The following ST3GAL6 variants were observed in gnomAD, a reference collection of about 807,000 sequenced individuals.
ST3GAL6 encodes ST3 beta-galactoside alpha-2,3-sialyltransferase 6.
Under a neutral mutation model 40.5 loss-of-function variants are expected in ST3GAL6, and 31 were observed. That is an observed-to-expected ratio of 0.77 (90% confidence interval 0.58 to 1.03). ST3GAL6 has a LOEUF of 1.03. Among genes scored for constraint, ST3GAL6 ranks in the 50% least tolerant of loss-of-function variants. ST3GAL6 has a pLI of 0.00. For missense variants in ST3GAL6, 357 were observed against 393.2 expected, an observed-to-expected ratio of 0.91 and a Z score of 0.78; for synonymous variants, 129 against 136.9, an observed-to-expected ratio of 0.94 and a Z score of 0.40.
chr3:98,748,784 A>T (rs999293628), intron 1 of ST3GAL6, among the ~76,000 whole-genome samples: 1 of 152,094 alleles, frequency 6.6e-6, no homozygotes, highest in African/African-American at 2.4e-5. Context: ...TATTATTTTC[A>T]TCACTGCCCC....
At chr3:98,734,524 A>G (rs1009673976) in intron 1 of ST3GAL6, among the ~76,000 whole-genome samples, 1 of 152,108 alleles carries the variant, frequency 6.6e-6, no homozygotes, top group Admixed American at 6.5e-5. Flanking sequence ...ATTCCTTGTG[A>G]TGTCGCTTTC....
chr3:98,736,858 A>G (rs976250757), intron 1 of ST3GAL6, among the ~76,000 whole-genome samples: 2 of 152,216 alleles, frequency 1.3e-5, no homozygotes, highest in Non-Finnish European at 2.9e-5. Context: ...CAGTGTGAGA[A>G]GAGAGTGGTT....
At chr3:98,779,521 A>G (rs1939874069) in intron 5 of ST3GAL6, among the ~76,000 whole-genome samples, 1 of 152,256 alleles carries the variant, frequency 6.6e-6, no homozygotes, top group Non-Finnish European at 1.5e-5. Flanking sequence ...AAGCATTTGT[A>G]AAATAAAACA....
At chr3:98,761,656 A>G (rs189311472), upstream of ST3GAL6, among the ~76,000 whole-genome samples, 1 of 152,256 alleles carries the variant, frequency 6.6e-6, no homozygotes, top group Non-Finnish European at 1.5e-5. Flanking sequence ...TGTTAACAAC[A>G]TCTAATGCTT....
At chr3:98,754,277 T>A (rs1202499878) in intron 1 of ST3GAL6, among the ~76,000 whole-genome samples, 1 of 152,204 alleles carries the variant, frequency 6.6e-6, no homozygotes, top group Non-Finnish European at 1.5e-5. Flanking sequence ...TGATTACAAC[T>A]CTCAGGGATG....
intron 9 of ST3GAL6, among the ~76,000 whole-genome samples, chr3:98,792,810 T>G (rs1419686870): frequency 6.6e-6 from 1 of 152,084 alleles, no homozygotes; most frequent in Non-Finnish European, 1.5e-5. Context: ...TGGGCCACTG[T>G]GCCTGGCTAA....
chr3:98,767,707 T>A (rs2028392), intron 1 of ST3GAL6, among the ~76,000 whole-genome samples: 63,626 of 152,056 alleles, frequency 0.42, 13,606 homozygotes, highest in South Asian at 0.58. Flanking sequence ...TATAGGTTTT[T>A]AAAATATATT....
chr3:98,738,202 T>G (rs1468555206), intron 1 of ST3GAL6, among the ~76,000 whole-genome samples: 1 of 151,652 alleles, frequency 6.6e-6, no homozygotes, highest in Non-Finnish European at 1.5e-5. Flanking sequence ...CAGTCATGCT[T>G]TCCGTACAGC....
At chr3:98,756,400 G>T in intron 1 of ST3GAL6, 1 of 1,289,042 alleles carries the variant, frequency 7.8e-7, no homozygotes, top group Non-Finnish European at 1.0e-6. Flanking sequence ...CACAACCCTG[G>T]GTTTTAGATA....
chr3:98,756,319 G>A, intron 1 of ST3GAL6: 1 of 1,272,668 alleles, frequency 7.9e-7, no homozygotes, highest in Non-Finnish European at 1.0e-6. Flanking sequence ...CATTTTTCTG[G>A]GGCAGCTGAA....
chr3:98,759,449 A>G (rs369739387), upstream of ST3GAL6, among the ~76,000 whole-genome samples: 2 of 152,300 alleles, frequency 1.3e-5, no homozygotes, highest in African/African-American at 4.8e-5. Context: ...GGAGATAGTA[A>G]TTTATTTATT....
chr3:98,782,061 G>T, intron 5 of ST3GAL6: 2 of 596,536 alleles, frequency 3.4e-6, no homozygotes, highest in Admixed American at 3.0e-5. Flanking sequence ...GAGAGGAAAG[G>T]GTTTTGAATA....
intron 1 of ST3GAL6, chr3:98,732,884 G>T: frequency 6.6e-7 from 1 of 1,511,942 alleles, no homozygotes; most frequent in Non-Finnish European, 8.8e-7. Context: ...CGCCGCGAGA[G>T]AGGCAGCAGC....
chr3:98,761,641 C>T (rs991077233), upstream of ST3GAL6, among the ~76,000 whole-genome samples: 4 of 150,220 alleles, frequency 2.7e-5, no homozygotes, highest in Admixed American at 6.6e-5. Flanking sequence ...CCACAGTCAT[C>T]AACCTGTTAA....
In ST3GAL6 at chr3:98,795,085, A is replaced by ATATT. The variant is rs1277229037; in HGVS notation, c.*1326_*1329dup. ...ATGTGGTGAGCTAGTCTTCCTTCCT[A>ATATT]TATTTTAATAAATGTAACCAAAGGC... On this transcript the variant is annotated 3_prime_UTR_variant, in exon 10 of 10. Coordinates refer to ENST00000483910, the MANE Select transcript of ST3GAL6 (RefSeq NM_001323368.2). The ATATT allele has an allele frequency of 4.6e-5, 7 of 152,362 alleles. No individual in the cohort carries two copies. The highest frequency in any genetic ancestry group is 1.4e-4 in the African/African-American group (6 of 41,588). The allele number at this position is 152,362 out of a possible 1,614,324, so 9.4% of individuals were successfully genotyped here.
At chr3:98,777,933 A>G (rs1939706618) in intron 5 of ST3GAL6, among the ~76,000 whole-genome samples, 1 of 152,190 alleles carries the variant, frequency 6.6e-6, no homozygotes, top group African/African-American at 2.4e-5. Flanking sequence ...CTGTCCATGT[A>G]GCTCCTCAGC....
intron 1 of ST3GAL6, among the ~76,000 whole-genome samples, chr3:98,768,042 T>C (rs1938548757): frequency 6.6e-6 from 1 of 152,224 alleles, no homozygotes; most frequent in Admixed American, 6.5e-5. Context: ...CTATTCACTT[T>C]CTACTGAGAG....
At chr3:98,763,271 G>A, upstream of ST3GAL6, 2 of 1,273,434 alleles carry the variant, frequency 1.6e-6, no homozygotes, top group Non-Finnish European at 2.0e-6. Flanking sequence ...TGAGTAATAA[G>A]TACAAAGAGG....
In ST3GAL6 at chr3:98,782,945, G is replaced by A. The variant is rs546078401; in HGVS notation, c.336-2000G>A. On this transcript the variant is annotated intron_variant, in intron 5 of 9. Coordinates refer to ENST00000483910, the MANE Select transcript of ST3GAL6 (RefSeq NM_001323368.2). The stretch of plus-strand genomic sequence containing the variant: ...CAGCTCAGTCTATTACTCAGTGGCT[G>A]CATCAATTGGAAATGCTCAGAAGGT... The A allele has an allele frequency of 8.0e-5, 15 of 187,014 alleles. No homozygotes were observed. The East Asian group carries it at 1.5e-3, about 19-fold the overall frequency. The allele number at this position is 187,014 out of a possible 1,614,324, so 11.6% of individuals were successfully genotyped here. A position where few individuals can be genotyped will look rare whatever the true frequency, so the allele number is the denominator to read the frequency against.
Sources: allele counts gnomAD v4.1 joint callset (sites outside exome capture counted in the v4.1 genomes callset), GRCh38; gene constraint gnomAD v4.1.1; transcripts MANE v1.5; gene names NCBI Gene and HGNC (gene_info 2026-07-23, HGNC 2026-07-21).